The following FILIP1 variants were observed in gnomAD, a reference collection of about 807,000 sequenced individuals.
FILIP1 encodes the protein filamin-A-interacting protein 1.
In FILIP1, 61 loss-of-function variants were observed where a neutral mutation model predicts 102.1. The observed-to-expected ratio is 0.60, with a 90% CI of 0.49 to 0.74. The LOEUF (loss-of-function observed/expected upper bound fraction) is 0.74, where lower values mean the gene tolerates loss of function less well. Ranked by LOEUF, FILIP1 falls within the 30% of genes least tolerant of loss-of-function variation. FILIP1 has a pLI of 0.00. For missense variants in FILIP1, 1,314 were observed against 1,441.2 expected (o/e 0.91, Z 1.43); for synonymous variants, 491 against 526.9 (o/e 0.93, Z 0.93).
downstream of FILIP1, among the ~76,000 whole-genome samples, chr6:75,306,640 G>T (rs1260034091): frequency 6.6e-6 from 1 of 152,116 alleles, no homozygotes; most frequent in South Asian, 2.1e-4. Context: ...AATCTCTCTT[G>T]TTCAAATTTA....
At chr6:75,471,090 G>T (rs1779311008) in intron 1 of FILIP1, among the ~76,000 whole-genome samples, 1 of 150,596 alleles carries the variant, frequency 6.6e-6, no homozygotes, top group South Asian at 2.1e-4. Flanking sequence ...AACCCGGGAG[G>T]TGGAGGTTGC....
chr6:75,429,905 T>C (rs1777769371), intron 1 of FILIP1, among the ~76,000 whole-genome samples: 1 of 152,210 alleles, frequency 6.6e-6, no homozygotes, highest in African/African-American at 2.4e-5. Context: ...ACCAGCACCA[T>C]GCTGGATGCA....
intron 1 of FILIP1, among the ~76,000 whole-genome samples, chr6:75,421,881 T>C (rs1450120857): frequency 1.3e-5 from 2 of 152,138 alleles, no homozygotes; most frequent in East Asian, 3.9e-4. Context: ...ATGGAATAGT[T>C]GGAACCAGGA....
intron 2 of FILIP1, among the ~76,000 whole-genome samples, chr6:75,389,283 AT>A (rs907644912): frequency 1.3e-5 from 2 of 152,166 alleles, no homozygotes; most frequent in Non-Finnish European, 2.9e-5. Flanking sequence ...CCAGTATTTT[AT>A]TGAGTATTTT....
In FILIP1 at chr6:75,374,090, C is replaced by T. The variant is rs1341627346; in HGVS notation, c.277-11173G>A. 2.6e-5 allele frequency among the ~76,000 whole-genome samples: 4 copies of T among 152,282 alleles called. 1 individual carries two copies. In the South Asian group the frequency reaches 8.3e-4, roughly 32 times the overall value. ...GTCATCTGAATGTCACTGTCATCCA[C>T]GGATTTGAATGCATTTTTATTACGT... is the stretch of plus-strand genomic sequence containing the variant. On this transcript the variant is annotated intron_variant, in intron 2 of 5. Coordinates refer to ENST00000237172, the MANE Select transcript of FILIP1 (RefSeq NM_015687.5).
rs574413660 is a variant in FILIP1, at chr6:75,482,523, T to C, written c.-7+10891A>G. Among the ~76,000 whole-genome samples the C allele has an allele frequency of 2.3e-3, 343 of 152,326 alleles. 1 individual carries two copies. Among genetic ancestry groups the C allele is most frequent in the African/African-American group, 7.9e-3 (330 of 41,568 alleles). On this transcript the variant is annotated intron_variant, in intron 1 of 5. Coordinates refer to ENST00000237172, the MANE Select transcript of FILIP1 (RefSeq NM_015687.5). ...AATTAGACTTTTGTCAATAGTTATG[T>C]CTATGCCACTGTATTTTAAAGTAAG...
chr6:75,337,279 G>T (rs1019722337), intron 4 of FILIP1, among the ~76,000 whole-genome samples: 10 of 152,250 alleles, frequency 6.6e-5, no homozygotes, highest in African/African-American at 2.4e-4. Context: ...TAAAGCACTG[G>T]ATCCTAGAGA....
At chr6:75,362,289 C>T (rs1775195366) in intron 3 of FILIP1, among the ~76,000 whole-genome samples, 3 of 152,144 alleles carry the variant, frequency 2.0e-5, no homozygotes, top group African/African-American at 7.2e-5. Context: ...GTATTTTAGC[C>T]ACTCACATTA....
intron 1 of FILIP1, among the ~76,000 whole-genome samples, chr6:75,430,359 G>C (rs924679329): frequency 1.3e-5 from 2 of 152,056 alleles, no homozygotes; most frequent in African/African-American, 4.8e-5. Context: ...TTGTTTGACA[G>C]TTGATAAATA....
rs1285499915 is a variant in FILIP1, at chr6:75,312,779, G to A, written c.3053C>T (p.Pro1018Leu). Residue 1018 changes from proline to leucine, a missense_variant, in exon 5 of 6, where the codon CCA (proline) becomes CTA (leucine). Around this residue, in one of 3 missense-constraint regions of FILIP1, gnomAD observed 816 missense variants for 913.1 expected, o/e 0.89. Transcript: ENST00000237172. ...TTCGGGAGAAACTGCAATCTCAGCT[G>A]GTGCTGCTGATGTAGACACCGTCAT... is the stretch of plus-strand genomic sequence containing the variant. ...QIMTVSTSAA[P>L]AEIAVSPESQ... 4 of 1,614,162 alleles carry A rather than the reference G, an allele frequency of 2.5e-6. No individual in the cohort carries two copies. Among genetic ancestry groups the A allele is most frequent in the Non-Finnish European group, 1.7e-6 (2 of 1,180,044 alleles).
At chr6:75,460,863 G>A (rs1167998548) in intron 1 of FILIP1, among the ~76,000 whole-genome samples, 1 of 152,108 alleles carries the variant, frequency 6.6e-6, no homozygotes, top group Non-Finnish European at 1.5e-5. Flanking sequence ...GCTTTGATTG[G>A]ACATGATTTG....
Position 75,362,764 on chromosome 6 carries a change from A to T in FILIP1, c.430T>A (p.Tyr144Asn). 6.2e-7 allele frequency: 1 copy of T among 1,613,516 alleles called. No individual in the cohort carries two copies. Among genetic ancestry groups the T allele is most frequent in the South Asian group, 1.1e-5 (1 of 91,062 alleles). ...TTTACCTCTGAAATCGGTTTCTCAT[A>T]GACATCTTCTCCTATGGATTTCTCC... ...AQEKSIGEDV[Y>N]EKPISELDRL... is the part of the protein sequence containing the mutation. The change falls in exon 3 of 6, where the codon TAT (tyrosine) becomes AAT (asparagine). Residue 144 changes from tyrosine (Y) to asparagine (N), a missense_variant. This residue lies in a region of FILIP1 where 494 missense variants were observed against 511.2 expected (regional missense o/e 0.97). Coordinates refer to ENST00000237172, the MANE Select transcript of FILIP1 (RefSeq NM_015687.5).
chr6:75,432,456 CAGAG>C (rs1162664364), intron 1 of FILIP1, among the ~76,000 whole-genome samples: 1 of 152,148 alleles, frequency 6.6e-6, no homozygotes, highest in Non-Finnish European at 1.5e-5. Flanking sequence ...AGATAAATCA[CAGAG>C]AGAGCTGGAG....
In FILIP1 at chr6:75,313,395, C is replaced by T; in HGVS notation, c.2437G>A (p.Glu813Lys). ...TGVQTDAVSG[E>K]AAEEETPAVF... ...GCTGGCGTTTCTTCCTCTGCTGCTT[C>T]ACCGCTGACTGCATCAGTTTGGACT... is the stretch of plus-strand genomic sequence containing the variant. The change falls in exon 5 of 6, where the codon GAA becomes AAA. Residue 813 changes from glutamate to lysine, a missense_variant. By Grantham distance (56) the Glu-to-Lys change is moderately conservative. Around this residue, in one of 3 missense-constraint regions of FILIP1, gnomAD observed 816 missense variants for 913.1 expected, o/e 0.89. Transcript: ENST00000237172. The surrounding 1 kb of genome is among the most constrained non-coding windows in gnomAD (Gnocchi z 4.2). 1 of 1,614,206 alleles carries T rather than the reference C, an allele frequency of 6.2e-7. No homozygotes were observed. The highest frequency in any genetic ancestry group is 1.3e-5 in the African/African-American group (1 of 75,056).
intron 1 of FILIP1, among the ~76,000 whole-genome samples, chr6:75,424,279 C>G (rs1259945565): frequency 6.6e-6 from 1 of 152,192 alleles, no homozygotes; most frequent in Non-Finnish European, 1.5e-5. Flanking sequence ...AGTTTAGTCA[C>G]AGGGCATAGC....
At chr6:75,491,377 G>C (rs919204723) in intron 1 of FILIP1, among the ~76,000 whole-genome samples, 1 of 152,160 alleles carries the variant, frequency 6.6e-6, no homozygotes, top group Non-Finnish European at 1.5e-5. Context: ...CCAGATGATG[G>C]AAGGTTTTCA....
At chr6:75,311,500 TTTGC>T (rs1773183453) in intron 5 of FILIP1, among the ~76,000 whole-genome samples, 4 of 152,022 alleles carry the variant, frequency 2.6e-5, no homozygotes. Flanking sequence ...TGTTTGTTTG[TTTGC>T]TTGTTTGTTT....
At chr6:75,306,451 TTC>T (rs1377360891), downstream of FILIP1, among the ~76,000 whole-genome samples, 4 of 152,240 alleles carry the variant, frequency 2.6e-5, no homozygotes, top group Non-Finnish European at 5.9e-5. Context: ...TGTTTGGTTC[TTC>T]TGACACCCTC....
intron 1 of FILIP1, among the ~76,000 whole-genome samples, chr6:75,446,055 A>T (rs1206128292): frequency 6.6e-6 from 1 of 152,210 alleles, no homozygotes; most frequent in South Asian, 2.1e-4. Context: ...ATTTACACAG[A>T]GAAAACTTAA....
Sources: gnomAD v4.1 joint callset for allele counts (sites outside exome capture counted in the v4.1 genomes callset) on GRCh38, gnomAD v4.1.1 for gene constraint, gnomAD v4.1.1 regional missense constraint, Gnocchi (gnomAD v3.1) non-coding constraint, MANE v1.5 for transcripts, NCBI Gene and HGNC (gene_info 2026-07-23, HGNC 2026-07-21) for gene names.